Variants in ZNF738 observed in about 807,000 individuals in gnomAD.
ZNF738 encodes the protein zinc finger protein 738.
Under a neutral mutation model 9.2 loss-of-function variants are expected in ZNF738, and 10 were observed. The ratio of observed to expected loss-of-function variants is 1.09; its 90% CI spans 0.67 to 1.85. The LOEUF (loss-of-function observed/expected upper bound fraction) is 1.85, where lower values mean the gene tolerates loss of function less well. Among genes scored for constraint, ZNF738 ranks in the 40% most tolerant of loss-of-function variants. The pLI, the probability that ZNF738 is intolerant of heterozygous loss-of-function variation, is 0.00. For missense variants in ZNF738, 346 were observed against 283.6 expected (o/e 1.22, Z -1.58); for synonymous variants, 113 against 94.5 (o/e 1.20, Z -1.14).
chr19:21,377,277 A>T, intron 4 of ZNF738: 1 of 519,790 alleles, frequency 1.9e-6, no homozygotes, highest in South Asian at 2.4e-5. Flanking sequence ...ATTGCACTCC[A>T]GCCTGGGTAA....
intron 4 of ZNF738, chr19:21,377,339 G>A (rs1875256): frequency 0.93 from 571,106 of 616,692 alleles, 265,954 homozygotes; most frequent in Non-Finnish European, 0.96. Context: ...ACTGCCTTCA[G>A]TTCCTCTCTT....
At chr19:21,380,696 T>C (rs1473158130) in intron 4 of ZNF738, among the ~76,000 whole-genome samples, 1 of 152,212 alleles carries the variant, frequency 6.6e-6, no homozygotes, top group Non-Finnish European at 1.5e-5. Flanking sequence ...TGCCCGGTAC[T>C]ATTATAGGGT....
intron 2 of ZNF738, among the ~76,000 whole-genome samples, chr19:21,369,918 A>T (rs1240408436): frequency 4.6e-5 from 7 of 151,350 alleles, no homozygotes; most frequent in Admixed American, 4.6e-4. Context: ...GATTCAAGTG[A>T]TTCTCCTGCC....
intron 4 of ZNF738, among the ~76,000 whole-genome samples, chr19:21,376,604 G>A: frequency 6.6e-6 from 1 of 152,106 alleles, no homozygotes. Flanking sequence ...CCAGGTTGGA[G>A]TGCAAAGGCG....
In ZNF738 at chr19:21,383,426, G is replaced by T. The variant is rs1309525585; in HGVS notation, c.880G>T (p.Gly294Cys). 1.8e-6 allele frequency: 1 copy of T among 570,472 alleles called. No individual in the cohort carries two copies. The highest frequency in any genetic ancestry group is 2.0e-5 in the African/African-American group (1 of 49,670). 35.3% of individuals were successfully genotyped at this position (570,472 alleles called of 1,614,324 possible). ...GEKHYKCEKCGKDFKQSSHLT... is the reference protein window; with the variant it reads ...GEKHYKCEKCCKDFKQSSHLT... ...GAAACACTACAAATGTGAAAAATGT[G>T]GCAAAGATTTTAAACAGTCCTCACA... The change falls in exon 5 of 5, where the codon GGC becomes TGC. Residue 294 changes from glycine (G) to cysteine (C), a missense_variant. Physicochemically the swap from Gly to Cys is radical, Grantham distance 159 (BLOSUM62 -3). Transcript: ENST00000683779.
chr19:21,380,712 A>G (rs546632386), intron 4 of ZNF738, among the ~76,000 whole-genome samples: 147 of 152,326 alleles, frequency 9.7e-4, no homozygotes, highest in African/African-American at 3.1e-3. Context: ...AGGGTACTCA[A>G]TGAGGCATCT....
chr19:21,359,011 C>T lies in ZNF738; in HGVS notation c.-130C>T. On this transcript the variant is annotated 5_prime_UTR_variant, in exon 1 of 5. Transcript: ENST00000683779. ...TTGTCCGCTTCTTTGTCTTTGGCTG[C>T]CGCTGGAACTCCGGGTCTCGTCTTC... 1.3e-6 allele frequency: 1 copy of T among 756,248 alleles called. No homozygotes were observed. 46.8% of individuals were successfully genotyped at this position (756,248 alleles called of 1,614,324 possible).
At position 21,386,223 on chromosome 19, in the gene ZNF738, T is replaced by C; in HGVS notation, c.*2549T>C. Reference sequence around the variant, plus strand: ...GCCTTTAATGGTCCCCTCAACTTTCTGCACATAAGATAATTTATACTGTGG... The same window carrying C: ...GCCTTTAATGGTCCCCTCAACTTTCCGCACATAAGATAATTTATACTGTGG... On this transcript the variant is annotated 3_prime_UTR_variant, in exon 5 of 5. Transcript: ENST00000683779. 3.5e-6 allele frequency: 1 copy of C among 287,202 alleles called. No homozygotes were observed. The allele number at this position is 287,202 out of a possible 1,614,324, so 17.8% of individuals were successfully genotyped here. A position where few individuals can be genotyped will look rare whatever the true frequency, so the allele number is the denominator to read the frequency against.
chr19:21,366,933 C>T (rs1568367229), intron 2 of ZNF738, among the ~76,000 whole-genome samples: 3 of 152,134 alleles, frequency 2.0e-5, no homozygotes, highest in African/African-American at 7.2e-5. Context: ...GTGCTGACCT[C>T]CTATCTCATC....
intron 4 of ZNF738, chr19:21,379,298 A>G (rs1344870284): frequency 6.6e-6 from 1 of 152,064 alleles, no homozygotes; most frequent in Non-Finnish European, 1.5e-5. Flanking sequence ...TAAAATTTGC[A>G]CATTAAAAAA....
In ZNF738 at chr19:21,383,698, C is replaced by T. The variant is rs555363953; in HGVS notation, c.*24C>T. On this transcript the variant is annotated 3_prime_UTR_variant, in exon 5 of 5. Coordinates refer to ENST00000683779, the MANE Select transcript of ZNF738 (RefSeq NM_001355237.2). ...AATGTGGCAAAGCCTTTAATGTATT[C>T]GCAACCCTTACTAGACATAAGATAA... 1.9e-4 allele frequency: 194 copies of T among 997,580 alleles called. No homozygotes were observed. In the Admixed American group the frequency reaches 2.3e-3, roughly 12 times the overall value. The allele number at this position is 997,580 out of a possible 1,614,324, so 61.8% of individuals were successfully genotyped here. A position where few individuals can be genotyped will look rare whatever the true frequency, so the allele number is the denominator to read the frequency against.
intron 2 of ZNF738, among the ~76,000 whole-genome samples, chr19:21,367,532 C>G (rs1438006969): frequency 6.6e-6 from 1 of 152,130 alleles, no homozygotes; most frequent in Non-Finnish European, 1.5e-5. Flanking sequence ...GCTTGATGTT[C>G]AGCAAATGCT....
rs1349089213 is a variant in ZNF738, at chr19:21,383,400, A to G, written c.854A>G (p.Glu285Gly). The G allele has an allele frequency of 1.7e-6, 1 of 594,662 alleles. No homozygotes were observed. The highest frequency in any genetic ancestry group is 2.9e-5 in the East Asian group (1 of 34,866). 36.8% of individuals were successfully genotyped at this position (594,662 alleles called of 1,614,324 possible). A position where few individuals can be genotyped will look rare whatever the true frequency, so the allele number is the denominator to read the frequency against. ...LTRHKVIHAG[E>G]KHYKCEKCGK... ...AGACATAAGGTAATTCATGCTGGAG[A>G]GAAACACTACAAATGTGAAAAATGT... is the stretch of plus-strand genomic sequence containing the variant. The change falls in exon 5 of 5, where the codon GAG becomes GGG. Residue 285 changes from glutamate to glycine, a missense_variant. Physicochemically the swap from Glu to Gly is moderately conservative, Grantham distance 98 (BLOSUM62 -2). Coordinates refer to ENST00000683779, the MANE Select transcript of ZNF738 (RefSeq NM_001355237.2).
At chr19:21,377,371 G>A in intron 4 of ZNF738, 1 of 687,470 alleles carries the variant, frequency 1.5e-6, no homozygotes, top group Non-Finnish European at 2.6e-6. Context: ...ATTCTGTCTT[G>A]TTTTATTTTT....
In ZNF738 at chr19:21,383,295, A is replaced by G. The variant is rs1453790232; in HGVS notation, c.749A>G (p.His250Arg). The change falls in exon 5 of 5, where the codon CAC becomes CGC. Residue 250 changes from histidine (H) to arginine (R), a missense_variant. Coordinates refer to ENST00000683779, the MANE Select transcript of ZNF738 (RefSeq NM_001355237.2). ...AAATGGTTCTCAACCCTTACTAGACACAAGAGAATTCATACTGGAGACAAA... is the reference window on the plus strand; with the variant it reads ...AAATGGTTCTCAACCCTTACTAGACGCAAGAGAATTCATACTGGAGACAAA... ...AFKWFSTLTR[H>R]KRIHTGDKSY... 2.6e-6 allele frequency: 4 copies of G among 1,550,614 alleles called. No individual in the cohort carries two copies. The African/African-American group carries it at 5.5e-5, about 21-fold the overall frequency.
intron 2 of ZNF738, among the ~76,000 whole-genome samples, chr19:21,368,763 T>C (rs1973819976): frequency 6.6e-6 from 1 of 151,990 alleles, no homozygotes; most frequent in Admixed American, 6.6e-5. Context: ...GCCAGACAAA[T>C]TCTTACTCTG....
intron 4 of ZNF738, chr19:21,381,917 G>A: frequency 4.1e-6 from 1 of 244,060 alleles, no homozygotes; most frequent in Non-Finnish European, 8.6e-6. Context: ...TAAGGAAGCT[G>A]ACATCTTCAC....
At chr19:21,368,258 T>C (rs373353088) in intron 2 of ZNF738, among the ~76,000 whole-genome samples, 2,005 of 151,948 alleles carry the variant, frequency 0.013, 53 homozygotes, top group African/African-American at 0.043. Context: ...TCCTTCATCC[T>C]CAACTAGGCC....
intron 2 of ZNF738, among the ~76,000 whole-genome samples, chr19:21,370,718 AC>A (rs1352460000): frequency 8.5e-5 from 13 of 152,118 alleles, no homozygotes; most frequent in African/African-American, 2.9e-4. Context: ...TAGACATATT[AC>A]TTAGAATGTG....
Sources: gnomAD v4.1 joint callset for allele counts (sites outside exome capture counted in the v4.1 genomes callset) on GRCh38, gnomAD v4.1.1 for gene constraint, MANE v1.5 for transcripts, NCBI Gene and HGNC (gene_info 2026-07-23, HGNC 2026-07-21) for gene names.